MAD1L1: variants seen among roughly 807,000 people sequenced by gnomAD.
MAD1L1 encodes mitotic arrest deficient 1 like 1, also known as mitotic spindle assembly checkpoint protein MAD1.
Under a neutral mutation model 96.9 loss-of-function variants are expected in MAD1L1, and 95 were observed. The ratio of observed to expected loss-of-function variants is 0.98; its 90% CI spans 0.83 to 1.16. The LOEUF (loss-of-function observed/expected upper bound fraction) is 1.16, where lower values mean the gene tolerates loss of function less well. Ranked by LOEUF, MAD1L1 falls within the 50% of genes most tolerant of loss-of-function variation. The pLI, the probability that MAD1L1 is intolerant of heterozygous loss-of-function variation, is 0.00. For missense variants in MAD1L1, 1,007 were observed against 954.4 expected (o/e 1.06, Z -0.73); for synonymous variants, 473 against 396.6 (o/e 1.19, Z -2.29).
intron 14 of MAD1L1, among the ~76,000 whole-genome samples, chr7:1,989,202 G>A (rs971569792): frequency 1.3e-5 from 2 of 152,096 alleles, no homozygotes; most frequent in East Asian, 1.9e-4. Context: ...CTCCACACCC[G>A]CCAGGACGGC....
intron 10 of MAD1L1, among the ~76,000 whole-genome samples, chr7:2,183,911 A>T (rs1003643671): frequency 1.2e-4 from 18 of 151,538 alleles, no homozygotes; most frequent in African/African-American, 4.3e-4. Flanking sequence ...ATAATAATAA[A>T]AAAATAAAAA....
At chr7:1,913,621 G>A (rs528866690) in intron 17 of MAD1L1, among the ~76,000 whole-genome samples, 117 of 152,190 alleles carry the variant, frequency 7.7e-4, no homozygotes, top group Non-Finnish European at 1.5e-3. Flanking sequence ...GCGGGGAGGG[G>A]GAGCCCTCGG....
rs530574904 is a variant in MAD1L1 at position 1,976,235 on chromosome 7, C to G, written c.1505+4218G>C. Among the ~76,000 whole-genome samples the G allele has an allele frequency of 4.6e-5, 7 of 152,336 alleles. No individual in the cohort carries two copies. In the South Asian group the frequency reaches 1.2e-3, roughly 27 times the overall value. On this transcript the variant is annotated intron_variant, in intron 15 of 18. Transcript: ENST00000265854. ...TCCGAGATTGGTGGGTTCTTGGTCTCACTGACTTCAAGAATGAAACCGTGG... is the reference window on the plus strand; with the variant it reads ...TCCGAGATTGGTGGGTTCTTGGTCTGACTGACTTCAAGAATGAAACCGTGG...
intron 18 of MAD1L1, among the ~76,000 whole-genome samples, chr7:1,850,142 C>T (rs1456244431): frequency 2.0e-5 from 3 of 152,148 alleles, no homozygotes; most frequent in Non-Finnish European, 4.4e-5. Context: ...TGTGGGTGAG[C>T]GGCGGCCGGG....
intron 18 of MAD1L1, chr7:1,844,320 G>C (rs1783464287): frequency 6.5e-6 from 1 of 153,118 alleles, no homozygotes; most frequent in South Asian, 2.1e-4. Context: ...ACTCCCAGTG[G>C]ACAGGGAGCC....
chr7:2,229,896 C>T (rs1794105682), intron 3 of MAD1L1, 88 bp downstream of exon 3: 2 of 1,411,282 alleles, frequency 1.4e-6, no homozygotes, highest in African/African-American at 1.4e-5. Context: ...TAATACCGAC[C>T]CACCTCAACT....
In MAD1L1 at chr7:2,146,840, T is replaced by C. The variant is rs1480339204; in HGVS notation, c.1073+2312A>G. ...AGCTGTTCAACCGTGCGAGGCTCCCTGACCCCGCCACGGCAGGCCGCGACG... is the reference window on the plus strand; with the variant it reads ...AGCTGTTCAACCGTGCGAGGCTCCCCGACCCCGCCACGGCAGGCCGCGACG... On this transcript the variant is annotated intron_variant, in intron 11 of 18. Coordinates refer to ENST00000265854, the MANE Select transcript of MAD1L1 (RefSeq NM_001013836.2). The surrounding 1 kb of genome is among the most constrained non-coding windows in gnomAD (Gnocchi z 6.2). Among the ~76,000 whole-genome samples the C allele has an allele frequency of 2.0e-5, 3 of 152,312 alleles. No homozygotes were observed. The East Asian group carries it at 5.8e-4, about 29-fold the overall frequency.
At chr7:2,078,778 G>T (rs974756370) in intron 11 of MAD1L1, among the ~76,000 whole-genome samples, 1 of 152,186 alleles carries the variant, frequency 6.6e-6, no homozygotes, top group African/African-American at 2.4e-5. Context: ...GGCATGCCTC[G>T]CTGAGGACTT....
intron 17 of MAD1L1, among the ~76,000 whole-genome samples, chr7:1,912,542 T>C (rs550940464): frequency 1.4e-3 from 211 of 152,252 alleles, no homozygotes; most frequent in Non-Finnish European, 2.0e-3. Context: ...CAGGCAGGGC[T>C]GCGGTCCCTG....
At chr7:1,972,046 G>T (rs1780427520) in intron 15 of MAD1L1, among the ~76,000 whole-genome samples, 1 of 152,132 alleles carries the variant, frequency 6.6e-6, no homozygotes, top group Admixed American at 6.6e-5. Context: ...TCAAAAACGG[G>T]ACAACTAACA....
At chr7:1,910,006 C>T (rs190849899) in intron 17 of MAD1L1, among the ~76,000 whole-genome samples, 1 of 152,342 alleles carries the variant, frequency 6.6e-6, no homozygotes, top group Admixed American at 6.5e-5. Context: ...CGACTTACTC[C>T]AGCAAGCAGC....
Position 1,961,816 on chromosome 7 carries a change from A to G in MAD1L1, c.1506-4097T>C, listed in dbSNP as rs544608823. The stretch of plus-strand genomic sequence containing the variant: ...CATTCTCGTGTGTTGTGGGAGGGAC[A>G]TGGTGGGATATAATGAATCACAGGG... On this transcript the variant is annotated intron_variant, in intron 15 of 18. Coordinates refer to ENST00000265854, the MANE Select transcript of MAD1L1 (RefSeq NM_001013836.2). Among the ~76,000 whole-genome samples the G allele has an allele frequency of 1.7e-4, 25 of 148,246 alleles. No homozygotes were observed. The South Asian group carries it at 5.2e-3, about 31-fold the overall frequency.
chr7:2,041,230 T>A (rs1322966645), intron 12 of MAD1L1, among the ~76,000 whole-genome samples: 1 of 152,214 alleles, frequency 6.6e-6, no homozygotes, highest in African/African-American at 2.4e-5. Flanking sequence ...AAATCCGAGC[T>A]GACAACTGTG....
At chr7:1,950,618 G>A (rs754226310) in intron 16 of MAD1L1, among the ~76,000 whole-genome samples, 4 of 152,188 alleles carry the variant, frequency 2.6e-5, no homozygotes, top group African/African-American at 4.8e-5. Context: ...GACCCCACAC[G>A]GGAGCCCCTC....
rs1420113952 is a variant in MAD1L1 at position 2,225,511 on chromosome 7, G to C, written c.190C>G (p.Leu64Val). The change falls in exon 4 of 19, where the codon CTC becomes GTC. Residue 64 changes from leucine to valine, a missense_variant. Physicochemically the swap from Leu to Val is conservative, Grantham distance 32 (BLOSUM62 1). Coordinates refer to ENST00000265854, the MANE Select transcript of MAD1L1 (RefSeq NM_001013836.2). ...ATTTTCTCCCGCTCCACCTGGATGA[G>C]GTGGGACTTCGAACGGATCTGCTCT... ...RAEQIRSKSHLIQVEREKMQM... is the reference protein window; with the variant it reads ...RAEQIRSKSHVIQVEREKMQM... 6.2e-7 allele frequency: 1 copy of C among 1,614,106 alleles called. No homozygotes were observed. Among genetic ancestry groups the C allele is most frequent in the Non-Finnish European group, 8.5e-7 (1 of 1,180,046 alleles).
At chr7:2,121,673 C>G (rs1787987288) in intron 11 of MAD1L1, among the ~76,000 whole-genome samples, 1 of 152,212 alleles carries the variant, frequency 6.6e-6, no homozygotes, top group South Asian at 2.1e-4. Flanking sequence ...TGGCCAAACT[C>G]AGCCTCCAGC....
At chr7:2,051,036 C>G (rs1205973436) in intron 12 of MAD1L1, among the ~76,000 whole-genome samples, 1 of 152,200 alleles carries the variant, frequency 6.6e-6, no homozygotes, top group Non-Finnish European at 1.5e-5. Context: ...TGGATTTCTT[C>G]GAAACTGAGT....
chr7:1,948,292 G>A (rs1348936463), intron 16 of MAD1L1, among the ~76,000 whole-genome samples: 1 of 152,094 alleles, frequency 6.6e-6, no homozygotes, highest in Non-Finnish European at 1.5e-5. Flanking sequence ...CCTGCGCCAT[G>A]GGCCCCAGCA....
intron 11 of MAD1L1, among the ~76,000 whole-genome samples, chr7:2,097,809 G>A (rs924071060): frequency 2.0e-5 from 3 of 152,236 alleles, no homozygotes; most frequent in African/African-American, 4.8e-5. Flanking sequence ...AGGCGTCTGG[G>A]ACCCCTGGGA....
Sources: allele counts gnomAD v4.1 joint callset (sites outside exome capture counted in the v4.1 genomes callset), GRCh38; gene constraint gnomAD v4.1.1; non-coding constraint Gnocchi (gnomAD v3.1); transcripts MANE v1.5; gene names NCBI Gene and HGNC (gene_info 2026-07-23, HGNC 2026-07-21).